Variants in MEF2C observed in about 807,000 individuals in gnomAD.
MEF2C encodes myocyte enhancer factor 2C.
MEF2C carries 6 observed loss-of-function variants against 50.5 expected under a neutral mutation model. The observed-to-expected ratio is 0.12, with a 90% CI of 0.07 to 0.23. MEF2C has a LOEUF of 0.23. Ranked by LOEUF, MEF2C falls within the 10% of genes least tolerant of loss-of-function variation. The pLI, the probability that MEF2C is intolerant of heterozygous loss-of-function variation, is 1.00. For missense variants in MEF2C, 276 were observed against 605.0 expected (o/e 0.46, Z 5.70); for synonymous variants, 183 against 228.0 (o/e 0.80, Z 1.78).
intron 3 of MEF2C, among the ~76,000 whole-genome samples, chr5:88,798,657 A>T (rs1797018224): frequency 6.6e-6 from 1 of 152,092 alleles, no homozygotes; most frequent in Admixed American, 6.6e-5. Context: ...TGTCAAACTC[A>T]TTCTCCATCC....
chr5:88,849,014 G>T (rs1226221541), intron 1 of MEF2C, among the ~76,000 whole-genome samples: 1 of 151,926 alleles, frequency 6.6e-6, no homozygotes, highest in Admixed American at 6.6e-5. Flanking sequence ...CGCCGGGCAT[G>T]GTGGCGCCTG....
intron 1 of MEF2C, among the ~76,000 whole-genome samples, chr5:88,829,719 A>C (rs1812302691): frequency 6.6e-6 from 1 of 152,038 alleles, no homozygotes; most frequent in African/African-American, 2.4e-5. Context: ...TGAGAATTGG[A>C]AGTTAAATGG....
intron 6 of MEF2C, chr5:88,734,574 T>A: frequency 1.1e-6 from 1 of 886,582 alleles, no homozygotes; most frequent in Non-Finnish European, 1.3e-6. Context: ...TGTTTTTTTT[T>A]TTTTTTTTTT....
chr5:88,898,364 A>G (rs1276574627), intron 1 of MEF2C, among the ~76,000 whole-genome samples: 1 of 152,138 alleles, frequency 6.6e-6, no homozygotes, highest in Non-Finnish European at 1.5e-5. Flanking sequence ...GAATCGGTTC[A>G]TTGGGTCCTG....
intron 1 of MEF2C, among the ~76,000 whole-genome samples, chr5:88,901,238 A>G (rs1451165852): frequency 2.7e-5 from 4 of 150,824 alleles, no homozygotes; most frequent in Admixed American, 6.6e-5. Flanking sequence ...GGTATTATCA[A>G]CAGGGATGAG....
chr5:88,779,152 A>AT (rs1413695936), intron 3 of MEF2C, among the ~76,000 whole-genome samples: 4 of 152,270 alleles, frequency 2.6e-5, no homozygotes, highest in Non-Finnish European at 4.4e-5. Context: ...TGAATAAATA[A>AT]TATTAACCAC....
At chr5:88,740,579 T>C (rs933138028) in intron 6 of MEF2C, 1 of 985,200 alleles carries the variant, frequency 1.0e-6, no homozygotes, top group Non-Finnish European at 1.2e-6. Flanking sequence ...AAAATGCAGG[T>C]TGCTACCACT....
intron 1 of MEF2C, among the ~76,000 whole-genome samples, chr5:88,873,010 T>A (rs1245041710): frequency 6.6e-6 from 1 of 151,836 alleles, no homozygotes; most frequent in African/African-American, 2.4e-5. Context: ...ATGCTTTTTC[T>A]CTCTCTCTGC....
chr5:88,746,477 T>G (rs1285497212), intron 6 of MEF2C: 3 of 980,538 alleles, frequency 3.1e-6, no homozygotes, highest in Admixed American at 6.2e-5. Context: ...GATGACTTGA[T>G]TTAGAAAAAA....
At chr5:88,876,250 A>T (rs960230866) in intron 1 of MEF2C, among the ~76,000 whole-genome samples, 2 of 151,856 alleles carry the variant, frequency 1.3e-5, no homozygotes, top group African/African-American at 4.8e-5. Flanking sequence ...TAGGACCACT[A>T]TATTCTTAAA....
chr5:88,827,503 C>T (rs1273266089), intron 1 of MEF2C, among the ~76,000 whole-genome samples: 2 of 151,986 alleles, frequency 1.3e-5, no homozygotes. Context: ...ACACCCCACA[C>T]ACAGAGGCCT....
At chr5:88,751,252 C>T (rs1254841143) in intron 5 of MEF2C, 13 of 985,366 alleles carry the variant, frequency 1.3e-5, no homozygotes, top group Non-Finnish European at 1.4e-5. Context: ...AATTGAACAA[C>T]AGCAAGTAAA....
chr5:88,867,669 AAATT>A (rs2153441440), intron 1 of MEF2C, among the ~76,000 whole-genome samples: 1 of 152,308 alleles, frequency 6.6e-6, no homozygotes, highest in East Asian at 1.9e-4. Flanking sequence ...AAAGTTATTA[AAATT>A]ATTAGAGATA....
chr5:88,885,864 G>T (rs1022604533), upstream of MEF2C, among the ~76,000 whole-genome samples: 1 of 151,934 alleles, frequency 6.6e-6, no homozygotes, highest in African/African-American at 2.4e-5. Context: ...ATTATAGAGG[G>T]TATTTCTGTT....
At chr5:88,863,891 G>A (rs139050606) in intron 1 of MEF2C, among the ~76,000 whole-genome samples, 135 of 149,404 alleles carry the variant, frequency 9.0e-4, no homozygotes, top group Middle Eastern at 3.4e-3. Context: ...GCACCATCTC[G>A]GCTCACTGCA....
At chr5:88,831,743 G>A (rs1276224749) in intron 1 of MEF2C, among the ~76,000 whole-genome samples, 2 of 151,948 alleles carry the variant, frequency 1.3e-5, no homozygotes, top group African/African-American at 4.8e-5. Flanking sequence ...GGCTCAACAT[G>A]GAACTCAGTG....
intron 3 of MEF2C, among the ~76,000 whole-genome samples, chr5:88,789,242 C>A (rs1482014171): frequency 6.6e-6 from 1 of 151,778 alleles, no homozygotes; most frequent in African/African-American, 2.4e-5. Flanking sequence ...TCACAGCTCA[C>A]TGGAGCCTCA....
At chr5:88,864,974 G>C (rs763503244) in intron 1 of MEF2C, among the ~76,000 whole-genome samples, 5 of 151,976 alleles carry the variant, frequency 3.3e-5, no homozygotes, top group Non-Finnish European at 5.9e-5. Flanking sequence ...CTCCAGGTTG[G>C]CCAGGCTGGC....
intron 1 of MEF2C, among the ~76,000 whole-genome samples, chr5:88,866,038 G>T (rs1437334444): frequency 1.3e-5 from 2 of 152,098 alleles, no homozygotes; most frequent in Admixed American, 1.3e-4. Context: ...TGGGGCTACA[G>T]GCGCCCGCAA....
Sources: allele counts gnomAD v4.1 joint callset (sites outside exome capture counted in the v4.1 genomes callset), GRCh38; gene constraint gnomAD v4.1.1; transcripts MANE v1.5; gene names NCBI Gene and HGNC (gene_info 2026-07-23, HGNC 2026-07-21).